Variants in SLC30A7 observed in about 807,000 individuals in gnomAD.
SLC30A7 encodes solute carrier family 30 member 7.
SLC30A7 carries 35 observed loss-of-function variants against 46.0 expected under a neutral mutation model. The observed-to-expected ratio is 0.76, with a 90% CI of 0.58 to 1.01. SLC30A7 has a LOEUF of 1.01. Ranked by LOEUF, SLC30A7 falls within the 50% of genes least tolerant of loss-of-function variation. SLC30A7 has a pLI of 0.00. For missense variants in SLC30A7, 464 were observed against 451.1 expected (o/e 1.03, Z -0.26); for synonymous variants, 147 against 157.8 (o/e 0.93, Z 0.51).
Position 100,912,207 on chromosome 1 carries a change from A to G in SLC30A7, c.480A>G (p.Lys160=). ...VVNLIGIFVF[K]HGGHGHSHGS... ...ACCTAATAGGAATATTTGTTTTCAA[A>G]CATGGAGGTCATGGACATTCTCATG... Residue 160 remains lysine (K), a synonymous_variant, in exon 5 of 11, where the codon AAA becomes AAG. Transcript: ENST00000357650. The G allele has an allele frequency of 1.2e-6, 2 of 1,614,068 alleles. No homozygotes were observed. Among genetic ancestry groups the G allele is most frequent in the South Asian group, 1.1e-5 (1 of 91,072 alleles).
intron 3 of SLC30A7, among the ~76,000 whole-genome samples, chr1:100,908,740 G>C (rs1651876662): frequency 6.6e-6 from 1 of 151,994 alleles, no homozygotes; most frequent in South Asian, 2.1e-4. Context: ...TATATCCAAA[G>C]TTATAATTTT....
intron 2 of SLC30A7, among the ~76,000 whole-genome samples, chr1:100,902,344 T>C (rs1417607277): frequency 6.6e-6 from 1 of 152,214 alleles, no homozygotes; most frequent in African/African-American, 2.4e-5. Flanking sequence ...CCGTGCTATA[T>C]CCACACCTCT....
chr1:100,953,638 C>G (rs1570576952), intron 8 of SLC30A7, among the ~76,000 whole-genome samples: 1 of 152,150 alleles, frequency 6.6e-6, no homozygotes, highest in African/African-American at 2.4e-5. Context: ...GTCTCATTAG[C>G]ATTTCAATAC....
chr1:100,973,666 G>A (rs1656287985), intron 10 of SLC30A7, among the ~76,000 whole-genome samples: 1 of 152,118 alleles, frequency 6.6e-6, no homozygotes, highest in Non-Finnish European at 1.5e-5. Flanking sequence ...CTTGTACCAA[G>A]CTTTATTTTT....
intron 2 of SLC30A7, among the ~76,000 whole-genome samples, chr1:100,899,344 G>A (rs1169024149): frequency 6.6e-6 from 1 of 152,158 alleles, no homozygotes; most frequent in Non-Finnish European, 1.5e-5. Flanking sequence ...AAACAGCAAT[G>A]ACAAAACATT....
At chr1:100,953,474 C>G (rs1655062274) in intron 8 of SLC30A7, among the ~76,000 whole-genome samples, 1 of 152,148 alleles carries the variant, frequency 6.6e-6, no homozygotes, top group Non-Finnish European at 1.5e-5. Context: ...TTAACAAGTA[C>G]TTCTTGTTGT....
At chr1:100,988,704 A>G in the SLC30A7 span, among the ~76,000 whole-genome samples, 968 of 152,000 alleles carry the variant, frequency 6.4e-3, 16 homozygotes, top group African/African-American at 0.02. Context: ...CAAAATAGCC[A>G]GGTGTGGTGC....
intron 2 of SLC30A7, among the ~76,000 whole-genome samples, chr1:100,904,390 C>T (rs1651507700): frequency 6.6e-6 from 1 of 152,166 alleles, no homozygotes; most frequent in African/African-American, 2.4e-5. Context: ...TCCCACTTCT[C>T]TACCAAATTC....
Position 100,912,111 on chromosome 1 carries a change from G to A in SLC30A7, c.385-1G>A, listed in dbSNP as rs753887476. ...ATTTGTTTGTATTATGTGTTTTCTAGAGAGCATTAGCCCCTCCAGATGTCC... is the reference window on the plus strand; with the variant it reads ...ATTTGTTTGTATTATGTGTTTTCTAAAGAGCATTAGCCCCTCCAGATGTCC... On this transcript the variant is annotated splice_acceptor_variant, in intron 4 of 10. Coordinates refer to ENST00000357650, the MANE Select transcript of SLC30A7 (RefSeq NM_133496.5). LOFTEE classifies it high-confidence loss of function. The A allele has an allele frequency of 3.1e-6, 5 of 1,612,784 alleles. No homozygotes were observed. The highest frequency in any genetic ancestry group is 3.4e-6 in the Non-Finnish European group (4 of 1,179,250).
rs372918884 is a variant in SLC30A7, at chr1:100,921,797, A to C, written c.798A>C (p.Ala266=). 5.6e-6 allele frequency: 9 copies of C among 1,613,230 alleles called. No individual in the cohort carries two copies. In the African/African-American group the frequency reaches 9.3e-5, roughly 17 times the overall value. Residue 266 remains alanine (A), a synonymous_variant, in exon 8 of 11, where the codon GCA becomes GCC. Coordinates refer to ENST00000357650, the MANE Select transcript of SLC30A7 (RefSeq NM_133496.5). ...IMMQNFGLMI[A]DPICSILIAI... ...TGCAAAATTTTGGTCTGATGATAGC[A>C]GATCCTATCTGTTCAATTCTTATAG...
intron 8 of SLC30A7, among the ~76,000 whole-genome samples, chr1:100,954,724 A>G (rs557633730): frequency 3.3e-5 from 5 of 152,228 alleles, no homozygotes; most frequent in African/African-American, 1.2e-4. Flanking sequence ...CCCAGGTGAT[A>G]AGATTTTTGG....
chr1:100,945,251 A>T (rs1654561793), intron 8 of SLC30A7, among the ~76,000 whole-genome samples: 1 of 152,050 alleles, frequency 6.6e-6, no homozygotes, highest in Admixed American at 6.5e-5. Context: ...GTTCACTCTG[A>T]CGGTAGTTTC....
At chr1:100,987,532 A>AT in the SLC30A7 span, among the ~76,000 whole-genome samples, 3 of 152,142 alleles carry the variant, frequency 2.0e-5, no homozygotes, top group African/African-American at 7.2e-5. Context: ...GTGAGAATAT[A>AT]TATCTATATT....
At chr1:100,995,105 C>T in the SLC30A7 span, 2 of 1,566,984 alleles carry the variant, frequency 1.3e-6, no homozygotes, top group Non-Finnish European at 1.8e-6. Flanking sequence ...AGAATAATAA[C>T]TTACTTGATT....
At chr1:100,925,377 T>C (rs908484811) in intron 8 of SLC30A7, among the ~76,000 whole-genome samples, 2 of 152,180 alleles carry the variant, frequency 1.3e-5, no homozygotes, top group Non-Finnish European at 2.9e-5. Context: ...ATAAGGATAT[T>C]TGTTTTAAAA....
At chr1:100,931,627 A>G (rs955456518) in intron 8 of SLC30A7, among the ~76,000 whole-genome samples, 10 of 152,280 alleles carry the variant, frequency 6.6e-5, no homozygotes, top group Admixed American at 6.5e-4. Context: ...TTCACTGTAA[A>G]ACCTAACTGC....
rs1178450678 is a variant in SLC30A7 at position 100,981,021 on chromosome 1, C to T, written c.*6164C>T. 6.6e-6 allele frequency: 1 copy of T among 152,028 alleles called. No individual in the cohort carries two copies. The highest frequency in any genetic ancestry group is 1.5e-5 in the Non-Finnish European group (1 of 67,942). 9.4% of individuals were successfully genotyped at this position (152,028 alleles called of 1,614,324 possible). On this transcript the variant is annotated 3_prime_UTR_variant, in exon 11 of 11. Transcript: ENST00000357650. ...TATTTTTTACCTTTCTCTTTTTCCT[C>T]TCAAACACAAAATTTTAGTAGTACC...
At chr1:100,940,949 T>C (rs1654309032) in intron 8 of SLC30A7, 1 of 388,866 alleles carries the variant, frequency 2.6e-6, no homozygotes, top group African/African-American at 2.1e-5. Context: ...AAATCCGTTG[T>C]AACCTGTAGT....
downstream of SLC30A7, among the ~76,000 whole-genome samples, chr1:100,983,585 C>A (rs1370677485): frequency 6.6e-6 from 1 of 152,186 alleles, no homozygotes; most frequent in Non-Finnish European, 1.5e-5. Flanking sequence ...TTTAACTCCT[C>A]TTTGAAAAGT....
Sources: allele counts gnomAD v4.1 joint callset (sites outside exome capture counted in the v4.1 genomes callset), GRCh38; gene constraint gnomAD v4.1.1; transcripts MANE v1.5; gene names NCBI Gene and HGNC (gene_info 2026-07-23, HGNC 2026-07-21).